Variants in WDFY4 observed in about 807,000 individuals in gnomAD.
The protein encoded by WDFY4 is WD repeat- and FYVE domain-containing protein 4.
WDFY4 carries 169 observed loss-of-function variants against 351.9 expected under a neutral mutation model. The ratio of observed to expected loss-of-function variants is 0.48; its 90% CI spans 0.42 to 0.55. WDFY4 has a LOEUF of 0.55. Among genes scored for constraint, WDFY4 ranks in the 20% least tolerant of loss-of-function variants. The probability of loss-of-function intolerance (pLI) is 0.00; values close to 1 mark genes in which losing one functional copy is unlikely to be tolerated. For synonymous variants in WDFY4, 1,622 were observed against 1,574.6 expected (o/e 1.03, Z -0.71); for missense variants, 3,803 against 3,935.6 (o/e 0.97, Z 0.90).
chr10:48,692,949 G>A (rs551593219), intron 1 of WDFY4, among the ~76,000 whole-genome samples: 14 of 152,310 alleles, frequency 9.2e-5, no homozygotes, highest in African/African-American at 3.4e-4. Flanking sequence ...GAGGAGCAGG[G>A]TTGCTTCTTG....
At chr10:48,903,679 T>C (rs1185387412) in intron 47 of WDFY4, among the ~76,000 whole-genome samples, 2 of 152,092 alleles carry the variant, frequency 1.3e-5, no homozygotes, top group Non-Finnish European at 2.9e-5. Context: ...GTAGGGCCAC[T>C]GTGGCTATCT....
intron 44 of WDFY4, among the ~76,000 whole-genome samples, chr10:48,892,094 T>C (rs1321273267): frequency 6.6e-6 from 1 of 152,238 alleles, no homozygotes; most frequent in Non-Finnish European, 1.5e-5. Flanking sequence ...GTTTTATTGA[T>C]ACTGATCAAT....
intron 40 of WDFY4, 145 bp from the exon 41 acceptor site, chr10:48,873,346 C>T: frequency 1.1e-6 from 1 of 906,226 alleles, no homozygotes; most frequent in East Asian, 2.7e-5. Flanking sequence ...AGTGGGTACC[C>T]TACACATTCT....
At chr10:48,979,439 T>G (rs1356872396) in intron 60 of WDFY4, among the ~76,000 whole-genome samples, 1 of 152,242 alleles carries the variant, frequency 6.6e-6, no homozygotes, top group African/African-American at 2.4e-5. Flanking sequence ...ATTTTAGTTT[T>G]GGGCTCAAAT....
At chr10:48,769,837 G>A (rs11595065) in intron 13 of WDFY4, among the ~76,000 whole-genome samples, 68,208 of 152,086 alleles carry the variant, frequency 0.45, 15,472 homozygotes, top group Middle Eastern at 0.63. Context: ...TAAAGGCTAG[G>A]TCGTTAAGTG....
At chr10:48,698,881 G>A (rs1365413963) in intron 1 of WDFY4, among the ~76,000 whole-genome samples, 1 of 152,204 alleles carries the variant, frequency 6.6e-6, no homozygotes, top group Non-Finnish European at 1.5e-5. Flanking sequence ...ACAGAATTGT[G>A]GCGGCTGGCA....
At chr10:48,750,509 A>T (rs1252189518) in intron 12 of WDFY4, among the ~76,000 whole-genome samples, 1 of 152,130 alleles carries the variant, frequency 6.6e-6, no homozygotes, top group Non-Finnish European at 1.5e-5. Flanking sequence ...CTAGGTTTAG[A>T]TGTCACTTCT....
intron 43 of WDFY4, among the ~76,000 whole-genome samples, chr10:48,877,698 T>C (rs528368849): frequency 6.6e-6 from 1 of 152,226 alleles, no homozygotes; most frequent in South Asian, 2.1e-4. Flanking sequence ...AGCACACTTG[T>C]GGCACCATTA....
chr10:48,978,161 A>G, intron 59 of WDFY4, 148 bp from the exon 60 acceptor site: 1 of 755,740 alleles, frequency 1.3e-6, no homozygotes, highest in Non-Finnish European at 2.1e-6. Flanking sequence ...CTTTTACCTG[A>G]TGATAAGTTA....
intron 11 of WDFY4, among the ~76,000 whole-genome samples, chr10:48,738,187 C>T (rs758436951): frequency 1.3e-5 from 2 of 152,172 alleles, no homozygotes; most frequent in African/African-American, 4.8e-5. Context: ...TTTGCTTTTA[C>T]TTTGCTTGAA....
intron 12 of WDFY4, among the ~76,000 whole-genome samples, chr10:48,752,175 A>G (rs1289648505): frequency 6.6e-6 from 1 of 152,176 alleles, no homozygotes; most frequent in East Asian, 1.9e-4. Flanking sequence ...AATGCTTCTC[A>G]TAGTGTGGCC....
chr10:48,722,363 GC>G (rs2132283081), intron 4 of WDFY4, among the ~76,000 whole-genome samples: 1 of 152,322 alleles, frequency 6.6e-6, no homozygotes, highest in Non-Finnish European at 1.5e-5. Flanking sequence ...GTTTTTCACT[GC>G]CTGTGCATGG....
At chr10:48,882,063 A>G (rs2070272551) in intron 43 of WDFY4, among the ~76,000 whole-genome samples, 1 of 152,190 alleles carries the variant, frequency 6.6e-6, no homozygotes, top group Admixed American at 6.5e-5. Flanking sequence ...CAATCTGCAG[A>G]CCAGGTGAGC....
intron 38 of WDFY4, among the ~76,000 whole-genome samples, chr10:48,832,017 C>T (rs576135846): frequency 3.9e-5 from 6 of 152,184 alleles, no homozygotes; most frequent in East Asian, 1.9e-4. Context: ...CACATTCAAA[C>T]GATAGCAATA....
At chr10:48,947,468 C>T (rs556544997) in intron 51 of WDFY4, among the ~76,000 whole-genome samples, 5 of 152,258 alleles carry the variant, frequency 3.3e-5, no homozygotes, top group Middle Eastern at 3.4e-3. Flanking sequence ...AGCTTACGGT[C>T]GCCAGGTTTA....
rs2132986466 is a variant in WDFY4 at position 48,820,392 on chromosome 10, A to G, written c.5664A>G (p.Gly1888=). ...TQLLLRELLL[G]ASSPKQWLPL... is the part of the protein sequence containing the mutation. ...TCCTCTTGAGGGAGCTCCTGCTTGG[A>G]GCCTCCAGCCCCAAGCAGTGGCTGC... is the stretch of plus-strand genomic sequence containing the variant. The change falls in exon 33 of 62, where the codon GGA becomes GGG. Residue 1888 remains glycine (G), a synonymous_variant. Transcript: ENST00000325239. 1 of 1,551,464 alleles carries G rather than the reference A, an allele frequency of 6.4e-7. No homozygotes were observed. The highest frequency in any genetic ancestry group is 1.4e-5 in the African/African-American group (1 of 73,084).
At chr10:48,887,800 G>T (rs2070528274) in intron 43 of WDFY4, among the ~76,000 whole-genome samples, 1 of 151,208 alleles carries the variant, frequency 6.6e-6, no homozygotes. Context: ...AAAAATTTAT[G>T]CTTCAGATTT....
rs1295328963 is a variant in WDFY4, at chr10:48,970,177, G to A, written c.8816G>A (p.Cys2939Tyr). Residue 2939 changes from cysteine (C) to tyrosine (Y), a missense_variant, in exon 57 of 62, where the codon TGC becomes TAC. Physicochemically the swap from Cys to Tyr is radical, Grantham distance 194 (BLOSUM62 -2). Coordinates refer to ENST00000325239, the MANE Select transcript of WDFY4 (RefSeq NM_001394531.1). The stretch of plus-strand genomic sequence containing the variant: ...CTGGCTGCCTGGGGCCGCTGTCTGT[G>A]CGCCGTGTGCCCATCCCCAACAACG... ...ENLAAWGRCL[C>Y]AVCPSPTTIV... 1.9e-6 allele frequency: 3 copies of A among 1,551,550 alleles called. No individual in the cohort carries two copies. The highest frequency in any genetic ancestry group is 2.0e-5 in the Admixed American group (1 of 50,988).
In WDFY4 at chr10:48,810,847, A is replaced by T. The variant is rs1235258360; in HGVS notation, c.5044+112A>T. On this transcript the variant is annotated intron_variant, in intron 29 of 61. Transcript: ENST00000325239. ...GACCATCACAGCTCTGTGCAGCAGGATCACCTCGAGCCCTGACTCCAAGGC... is the reference window on the plus strand; with the variant it reads ...GACCATCACAGCTCTGTGCAGCAGGTTCACCTCGAGCCCTGACTCCAAGGC... 4 of 1,166,740 alleles carry T rather than the reference A, an allele frequency of 3.4e-6. No homozygotes were observed. In the Admixed American group the frequency reaches 1.0e-4, roughly 30 times the overall value. 72.3% of individuals were successfully genotyped at this position (1,166,740 alleles called of 1,614,324 possible).
Sources: gnomAD v4.1 joint callset for allele counts (sites outside exome capture counted in the v4.1 genomes callset) on GRCh38, gnomAD v4.1.1 for gene constraint, MANE v1.5 for transcripts, NCBI Gene and HGNC (gene_info 2026-07-23, HGNC 2026-07-21) for gene names.